Variants in KDM7A observed in about 807,000 individuals in gnomAD.
The protein encoded by KDM7A is lysine-specific demethylase 7A.
Under a neutral mutation model 114.8 loss-of-function variants are expected in KDM7A, and 28 were observed. The observed-to-expected ratio is 0.24, with a 90% CI of 0.18 to 0.33. The LOEUF (loss-of-function observed/expected upper bound fraction) is 0.33, where lower values mean the gene tolerates loss of function less well. Among genes scored for constraint, KDM7A ranks in the 10% least tolerant of loss-of-function variants. The probability of loss-of-function intolerance (pLI) is 1.00; values close to 1 mark genes in which losing one functional copy is unlikely to be tolerated. For synonymous variants in KDM7A, 423 were observed against 397.8 expected, an observed-to-expected ratio of 1.06 and a Z score of -0.75; for missense variants, 942 against 1,142.5, an observed-to-expected ratio of 0.82 and a Z score of 2.53.
intron 1 of KDM7A, among the ~76,000 whole-genome samples, chr7:140,145,480 T>C (rs908445473): frequency 1.3e-5 from 2 of 152,176 alleles, no homozygotes; most frequent in African/African-American, 4.8e-5. Flanking sequence ...GCATCATCTA[T>C]AACAGTGATA....
In KDM7A at chr7:140,096,891, A is replaced by G. The variant is rs1311545783; in HGVS notation, c.2165+8T>C. ...TATAATAAGACTTACTACTATCAGC[A>G]AGCCTACCTTTTAATTGGAATTTCA... On this transcript the variant is annotated splice_region_variant and intron_variant, in intron 16 of 19. Transcript: ENST00000397560. The G allele has an allele frequency of 6.2e-7, 1 of 1,613,210 alleles. No individual in the cohort carries two copies.
rs535857833 is a variant in KDM7A at position 140,106,684 on chromosome 7, G to A, written c.1428+4411C>T. 1.1e-4 allele frequency among the ~76,000 whole-genome samples: 17 copies of A among 152,260 alleles called. No homozygotes were observed. In the South Asian group the frequency reaches 1.2e-3, roughly 11 times the overall value. ...TTATAGTTTCTGTTCTTTTACATTC[G>A]CTGAGGAGTGCTTTACTTCCAACTA... On this transcript the variant is annotated intron_variant, in intron 11 of 19. Transcript: ENST00000397560.
intron 4 of KDM7A, among the ~76,000 whole-genome samples, 183 bp downstream of exon 4, chr7:140,129,310 T>C (rs1442265910): frequency 2.0e-5 from 3 of 152,246 alleles, no homozygotes; most frequent in African/African-American, 4.8e-5. Context: ...ATTGTCATTC[T>C]GTTTTTCTGA....
At chr7:140,167,505 A>T (rs1794591847) in intron 1 of KDM7A, among the ~76,000 whole-genome samples, 1 of 152,172 alleles carries the variant, frequency 6.6e-6, no homozygotes, top group East Asian at 1.9e-4. Context: ...TTGGCATCTG[A>T]AGTCACTGGG....
At chr7:140,106,582 T>C (rs1301951036) in intron 11 of KDM7A, among the ~76,000 whole-genome samples, 1 of 152,222 alleles carries the variant, frequency 6.6e-6, no homozygotes, top group African/African-American at 2.4e-5. Flanking sequence ...TCAGCCTCCA[T>C]GTAGTTGTGC....
At chr7:140,133,801 G>T (rs1270362098) in intron 2 of KDM7A, 145 bp from the exon 3 acceptor site, 2 of 523,330 alleles carry the variant, frequency 3.8e-6, no homozygotes, top group Non-Finnish European at 3.4e-6. Flanking sequence ...CCAGGCCTGA[G>T]AATTTTGCTT....
intron 12 of KDM7A, among the ~76,000 whole-genome samples, chr7:140,100,665 T>TATATATATATATAC (rs1562945826): frequency 1.3e-3 from 54 of 40,656 alleles, no homozygotes; most frequent in South Asian, 3.4e-3. Context: ...AAAAGTTATA[T>TATATATATATATAC]ATATATATAT....
chr7:140,172,066 T>C (rs1794651041), intron 1 of KDM7A, among the ~76,000 whole-genome samples: 1 of 152,078 alleles, frequency 6.6e-6, no homozygotes, highest in Non-Finnish European at 1.5e-5. Context: ...AATAATACCT[T>C]AGATTGGGAG....
At position 140,176,578 on chromosome 7, in the gene KDM7A, G is replaced by T. The variant is rs951198119; in HGVS notation, c.194+166C>A. ...TCTGGAGCCCGCCCGGCGAACCCGG[G>T]GCACCGCGCGCCCCACTGCCCGGCC... is the stretch of plus-strand genomic sequence containing the variant. On this transcript the variant is annotated intron_variant, in intron 1 of 19. Transcript: ENST00000397560. The surrounding 1 kb of genome is among the most constrained non-coding windows in gnomAD (Gnocchi z 4.4). 1.4e-5 allele frequency among the ~76,000 whole-genome samples: 2 copies of T among 146,604 alleles called. No homozygotes were observed. The highest frequency in any genetic ancestry group is 4.0e-4 in the East Asian group (2 of 5,008).
At chr7:140,115,096 G>C (rs1035660441) in intron 9 of KDM7A, among the ~76,000 whole-genome samples, 1 of 150,268 alleles carries the variant, frequency 6.7e-6, no homozygotes, top group Non-Finnish European at 1.5e-5. Context: ...GGCAGCCCCC[G>C]CCCGGCCAGC....
In KDM7A at chr7:140,126,582, A is replaced by G. The variant is rs141499847; in HGVS notation, c.888+55T>C. 1.0e-3 allele frequency: 1,186 copies of G among 1,135,118 alleles called. 13 individuals are homozygous for G. The African/African-American group carries it at 0.017, about 16-fold the overall frequency. 70.3% of individuals were successfully genotyped at this position (1,135,118 alleles called of 1,614,324 possible). A position where few individuals can be genotyped will look rare whatever the true frequency, so the allele number is the denominator to read the frequency against. On this transcript the variant is annotated intron_variant, in intron 6 of 19. Coordinates refer to ENST00000397560, the MANE Select transcript of KDM7A (RefSeq NM_030647.2). ...TACAAGAAATGAATATACCACTGAA[A>G]AACTAGGGCTATATGTTTTTGTCAG...
At chr7:140,165,056 G>A (rs1794559122) in intron 1 of KDM7A, among the ~76,000 whole-genome samples, 4 of 152,126 alleles carry the variant, frequency 2.6e-5, no homozygotes. Flanking sequence ...ATTTTGAAAG[G>A]AAAATACTCA....
chr7:140,148,243 T>C (rs1018016920), intron 1 of KDM7A, among the ~76,000 whole-genome samples: 2 of 152,092 alleles, frequency 1.3e-5, no homozygotes, highest in African/African-American at 2.4e-5. Flanking sequence ...AAGAGAGAAT[T>C]TGTTTTCTAT....
intron 17 of KDM7A, 113 bp downstream of exon 17, chr7:140,096,442 C>T (rs1232577720): frequency 2.4e-6 from 2 of 827,222 alleles, no homozygotes; most frequent in African/African-American, 1.7e-5. Flanking sequence ...CTTCTTAACA[C>T]ATTTCCAATT....
intron 11 of KDM7A, among the ~76,000 whole-genome samples, chr7:140,104,994 G>T (rs1159205705): frequency 2.0e-5 from 3 of 152,142 alleles, no homozygotes; most frequent in African/African-American, 7.2e-5. Flanking sequence ...TCTCCTTGAA[G>T]AGGTCCTTCA....
At chr7:140,139,252 T>C (rs1794227086) in intron 1 of KDM7A, 62 bp from the exon 2 acceptor site, 1 of 1,127,630 alleles carries the variant, frequency 8.9e-7, no homozygotes, top group Non-Finnish European at 1.3e-6. Flanking sequence ...TTAACTATAA[T>C]ACAGTGGTTG....
rs1228426009 is a variant in KDM7A at position 140,090,744 on chromosome 7, A to T, written c.*350T>A. On this transcript the variant is annotated 3_prime_UTR_variant, in exon 20 of 20. Transcript: ENST00000397560. ...AGAATTTAAAAGCTGTTAACTTTAA[A>T]AAAAAATCTGTTAAATAAATTATTG... 9.4e-6 allele frequency: 2 copies of T among 213,458 alleles called. No homozygotes were observed. Among genetic ancestry groups the T allele is most frequent in the Non-Finnish European group, 1.8e-5 (2 of 108,906 alleles). 13.2% of individuals were successfully genotyped at this position (213,458 alleles called of 1,614,324 possible). A position where few individuals can be genotyped will look rare whatever the true frequency, so the allele number is the denominator to read the frequency against.
At chr7:140,125,597 C>G (rs1307595585) in intron 6 of KDM7A, among the ~76,000 whole-genome samples, 1 of 152,194 alleles carries the variant, frequency 6.6e-6, no homozygotes, top group African/African-American at 2.4e-5. Context: ...GATAGGGTCT[C>G]GCTCTGTTGC....
At position 140,092,050 on chromosome 7, in the gene KDM7A, T is replaced by G. The variant is rs1818029281; in HGVS notation, c.2485A>C (p.Arg829=). ...QDLSRSQKCI[R]KEGSSEISQR... ...CTAATTTCTGATGAACCTTCCTTTC[T>G]GATGCATTTCTGGCTTCTACTTAGA... is the stretch of plus-strand genomic sequence containing the variant. Residue 829 remains arginine, a synonymous_variant, in exon 19 of 20, where the codon AGA becomes CGA. Transcript: ENST00000397560. 2 of 1,614,206 alleles carry G rather than the reference T, an allele frequency of 1.2e-6. No individual in the cohort carries two copies. Among genetic ancestry groups the G allele is most frequent in the Non-Finnish European group, 1.7e-6 (2 of 1,180,014 alleles).
Sources: gnomAD v4.1 joint callset for allele counts (sites outside exome capture counted in the v4.1 genomes callset) on GRCh38, gnomAD v4.1.1 for gene constraint, Gnocchi (gnomAD v3.1) non-coding constraint, MANE v1.5 for transcripts, NCBI Gene and HGNC (gene_info 2026-07-23, HGNC 2026-07-21) for gene names.